NR1H3: variants seen among roughly 807,000 people sequenced by gnomAD.
The protein encoded by NR1H3 is oxysterols receptor LXR-alpha.
NR1H3 carries 19 observed loss-of-function variants against 48.1 expected under a neutral mutation model. The observed-to-expected ratio is 0.40, with a 90% CI of 0.28 to 0.58. NR1H3 has a LOEUF of 0.58. Ranked by LOEUF, NR1H3 falls within the 20% of genes least tolerant of loss-of-function variation. The pLI is 0.50. For synonymous variants in NR1H3, 232 were observed against 227.3 expected (o/e 1.02, Z -0.19); for missense variants, 486 against 595.9 (o/e 0.82, Z 1.92).
At chr11:47,250,204 G>C (rs1954525028) in intron 1 of NR1H3, among the ~76,000 whole-genome samples, 2 of 151,954 alleles carry the variant, frequency 1.3e-5, no homozygotes, top group African/African-American at 4.8e-5. Flanking sequence ...CCCAGGAGTT[G>C]GAGACCAGCC....
intron 7 of NR1H3, among the ~76,000 whole-genome samples, chr11:47,263,250 G>A (rs1956096337): frequency 7.1e-6 from 1 of 140,334 alleles, no homozygotes; most frequent in Non-Finnish European, 1.5e-5. Flanking sequence ...GGGGATCATG[G>A]GGGCTGATTT....
intron 1 of NR1H3, 108 bp downstream of exon 1, chr11:47,258,237 G>T: frequency 5.1e-6 from 5 of 974,688 alleles, no homozygotes; most frequent in Non-Finnish European, 6.1e-6. Flanking sequence ...GAAGTGAGGG[G>T]TGATGGTGAT....
At chr11:47,249,938 A>AC in intron 1 of NR1H3, among the ~76,000 whole-genome samples, 1 of 72,804 alleles carries the variant, frequency 1.4e-5, no homozygotes, top group East Asian at 1.7e-3. Flanking sequence ...CTAAAAATAC[A>AC]AAAAAAAAAA....
chr11:47,264,081 C>T (rs563439085), intron 7 of NR1H3, among the ~76,000 whole-genome samples: 4 of 152,296 alleles, frequency 2.6e-5, no homozygotes, highest in Non-Finnish European at 4.4e-5. Context: ...TTGGGAGCTA[C>T]GCAGAAGGGG....
intron 2 of NR1H3, 170 bp downstream of exon 2, chr11:47,259,429 G>C: frequency 3.2e-6 from 5 of 1,559,796 alleles, no homozygotes; most frequent in Non-Finnish European, 4.3e-6. Flanking sequence ...TGGTTCCAGT[G>C]CCTGGCCCTT....
chr11:47,248,622 G>A (rs1954330877), upstream of NR1H3: 1 of 1,569,642 alleles, frequency 6.4e-7, no homozygotes, highest in African/African-American at 1.4e-5. Flanking sequence ...TCCACCAGCT[G>A]GCCTTTGCCC....
rs988871239 is a variant in NR1H3 at position 47,268,437 on chromosome 11, TTC to T, written c.1197+88_1197+89del. 4 of 1,591,514 alleles carry T rather than the reference TTC, an allele frequency of 2.5e-6. No homozygotes were observed. The African/African-American group carries it at 4.0e-5, about 16-fold the overall frequency. ...ACATACCTACTTTCCCTTCAAGAAT[TTC>T]TCTCTGACTGCATGCTGTGCAGACA... On this transcript the variant is annotated intron_variant, in intron 9 of 9. Transcript: ENST00000441012.
chr11:47,254,090 G>A (rs138122079), upstream of NR1H3, among the ~76,000 whole-genome samples: 68 of 152,288 alleles, frequency 4.5e-4, no homozygotes, highest in East Asian at 4.2e-3. Context: ...CTGATAGGAC[G>A]GCTCTGGCAG....
chr11:47,255,567 TTCTTTC>T (rs1955031778), upstream of NR1H3, among the ~76,000 whole-genome samples: 1 of 77,724 alleles, frequency 1.3e-5, no homozygotes, highest in African/African-American at 7.0e-5. Flanking sequence ...CTTTCTTTCT[TTCTTTC>T]TTTCTTTCTT....
upstream of NR1H3, among the ~76,000 whole-genome samples, chr11:47,256,822 C>G (rs1955226736): frequency 6.6e-6 from 1 of 151,118 alleles, no homozygotes; most frequent in South Asian, 2.1e-4. Flanking sequence ...GCTCTGCCTC[C>G]CGGGTTCACG....
upstream of NR1H3, among the ~76,000 whole-genome samples, chr11:47,253,044 G>A (rs1055999142): frequency 3.5e-5 from 5 of 141,126 alleles, no homozygotes; most frequent in Admixed American, 7.4e-5. Flanking sequence ...CTGCAGCCTC[G>A]ACCTCCTGGG....
chr11:47,264,898 G>A (rs2135679200), intron 7 of NR1H3, among the ~76,000 whole-genome samples: 1 of 152,336 alleles, frequency 6.6e-6, no homozygotes, highest in Admixed American at 6.5e-5. Flanking sequence ...CAGACCCTCA[G>A]AGGTGCATTA....
rs1255547335 is a variant in NR1H3, at chr11:47,258,065, C to T, written c.-102C>T. The T allele has an allele frequency of 2.0e-6, 2 of 985,470 alleles. No homozygotes were observed. Among genetic ancestry groups the T allele is most frequent in the Non-Finnish European group, 2.4e-6 (2 of 830,150 alleles). The allele number at this position is 985,470 out of a possible 1,614,324, so 61.0% of individuals were successfully genotyped here. A position where few individuals can be genotyped will look rare whatever the true frequency, so the allele number is the denominator to read the frequency against. On this transcript the variant is annotated 5_prime_UTR_variant, in exon 1 of 10. Coordinates refer to ENST00000441012, the MANE Select transcript of NR1H3 (RefSeq NM_005693.4). ...CTTCTGGACAGGAAACTGCACCATC[C>T]TCTTCTCCCAGCAAGGGGGCTCCAG...
chr11:47,248,984 G>T, exon 1 of NR1H3: 1 of 1,510,062 alleles, frequency 6.6e-7, no homozygotes, highest in Non-Finnish European at 8.8e-7. Flanking sequence ...TGGCTGTGGC[G>T]GAGGAGCATA....
intron 7 of NR1H3, among the ~76,000 whole-genome samples, chr11:47,262,452 G>A (rs943740021): frequency 6.6e-6 from 1 of 151,804 alleles, no homozygotes; most frequent in African/African-American, 2.4e-5. Context: ...TCCTGCCTCT[G>A]ACTCCCAAAG....
chr11:47,262,059 A>G, intron 7 of NR1H3, 41 bp downstream of exon 7: 6 of 1,406,234 alleles, frequency 4.3e-6, no homozygotes, highest in Non-Finnish European at 5.9e-6. Flanking sequence ...TTGGGTGGAC[A>G]GATGCTTCTT....
At chr11:47,261,149 T>A in intron 4 of NR1H3, 92 bp from the exon 5 acceptor site, 1 of 639,772 alleles carries the variant, frequency 1.6e-6, no homozygotes, top group Non-Finnish European at 2.5e-6. Context: ...AACCACCCCC[T>A]TTGCCCCATC....
At chr11:47,250,436 T>A (rs1327918370) in intron 1 of NR1H3, 1 of 152,016 alleles carries the variant, frequency 6.6e-6, no homozygotes, top group African/African-American at 2.4e-5. Context: ...AAAAAAAAGA[T>A]CAGGATTATC....
At chr11:47,257,444 A>T (rs1020092543), upstream of NR1H3, among the ~76,000 whole-genome samples, 1 of 152,182 alleles carries the variant, frequency 6.6e-6, no homozygotes, top group Non-Finnish European at 1.5e-5. Context: ...ACCCACTTTC[A>T]GAAACTCCCT....
Sources: allele counts gnomAD v4.1 joint callset (sites outside exome capture counted in the v4.1 genomes callset), GRCh38; gene constraint gnomAD v4.1.1; transcripts MANE v1.5; gene names NCBI Gene and HGNC (gene_info 2026-07-23, HGNC 2026-07-21).